The following IKBKB variants were observed in gnomAD, a reference collection of about 807,000 sequenced individuals.
IKBKB encodes the protein inhibitor of nuclear factor kappa B kinase subunit beta, also known as inhibitor of nuclear factor kappa-B kinase subunit beta.
A neutral mutation model predicts 113.6 loss-of-function variants in IKBKB; 42 were observed. That is an observed-to-expected ratio of 0.37 (90% CI 0.29 to 0.48). IKBKB has a LOEUF of 0.48. IKBKB is among the 20% of genes least tolerant of loss of function. IKBKB has a pLI of 0.99. For synonymous variants in IKBKB, 296 were observed against 361.3 expected, an observed-to-expected ratio of 0.82 and a Z score of 2.05; for missense variants, 673 against 939.7, an observed-to-expected ratio of 0.72 and a Z score of 3.71.
chr8:42,309,286 T>C (rs1158586189), intron 8 of IKBKB, among the ~76,000 whole-genome samples: 1 of 152,236 alleles, frequency 6.6e-6, no homozygotes, highest in Non-Finnish European at 1.5e-5. Context: ...GTCAGTGTCA[T>C]CTGCTCTGTG....
chr8:42,302,416 G>C lies in IKBKB; in HGVS notation c.389-2771G>C, dbSNP rs777299469. ...GGAAGGAAATGAAAAGTAAGGAACA[G>C]TATGATATGTTGGAACCACATGGTC... On this transcript the variant is annotated intron_variant, in intron 5 of 21. Coordinates refer to ENST00000520810, the MANE Select transcript of IKBKB (RefSeq NM_001556.3). 2.0e-5 allele frequency among the ~76,000 whole-genome samples: 3 copies of C among 152,176 alleles called. No individual in the cohort carries two copies. In the East Asian group the frequency reaches 5.8e-4, roughly 29 times the overall value.
intron 5 of IKBKB, among the ~76,000 whole-genome samples, chr8:42,295,110 G>A (rs1185011057): frequency 4.8e-5 from 7 of 146,368 alleles, no homozygotes; most frequent in African/African-American, 1.3e-4. Flanking sequence ...TAGTTATTAC[G>A]AAAGTCTTTT....
chr8:42,315,999 G>A (rs1048694834), intron 9 of IKBKB, among the ~76,000 whole-genome samples: 4 of 152,196 alleles, frequency 2.6e-5, no homozygotes, highest in Non-Finnish European at 4.4e-5. Flanking sequence ...TTGGAGGTCA[G>A]CAATCTCTGA....
rs965675264 is a variant in IKBKB at position 42,316,192 on chromosome 8, C to T, written c.801-18C>T. On this transcript the variant is annotated intron_variant, in intron 9 of 21. Coordinates refer to ENST00000520810, the MANE Select transcript of IKBKB (RefSeq NM_001556.3). This position sits in a 1 kb window ranked among gnomAD's most constrained non-coding sequence, Gnocchi z 4.5. ...TTGGCTGGAAGTGTCTCCTCACACA[C>T]TATGCTCCTCTCCACAGTGTCCTGG... The T allele has an allele frequency of 1.9e-6, 3 of 1,613,164 alleles. No individual in the cohort carries two copies. Among genetic ancestry groups the T allele is most frequent in the African/African-American group, 2.7e-5 (2 of 74,912 alleles).
intron 20 of IKBKB, 98 bp downstream of exon 20, chr8:42,326,195 A>G: frequency 7.1e-7 from 1 of 1,399,464 alleles, no homozygotes; most frequent in Non-Finnish European, 9.8e-7. Flanking sequence ...GTCTGATGGT[A>G]TTACCACCTC....
At position 42,319,343 on chromosome 8, in the gene IKBKB, A is replaced by G. The variant is rs1585779190; in HGVS notation, c.1438A>G (p.Lys480Glu). 1 of 1,614,034 alleles carries G rather than the reference A, an allele frequency of 6.2e-7. No individual in the cohort carries two copies. The highest frequency in any genetic ancestry group is 1.1e-5 in the South Asian group (1 of 91,090). ...CATGGCTTCCATGTCTCAGCAGCTC[A>G]AGGCCAAGTTGGATTTCTTCAAAAC... The part of the protein sequence containing the change: ...NSMASMSQQL[K>E]AKLDFFKTSI... Residue 480 changes from lysine to glutamate, a missense_variant, in exon 14 of 22, where the codon AAG becomes GAG. Coordinates refer to ENST00000520810, the MANE Select transcript of IKBKB (RefSeq NM_001556.3).
intron 5 of IKBKB, among the ~76,000 whole-genome samples, chr8:42,296,413 C>T (rs941702156): frequency 1.3e-5 from 2 of 152,178 alleles, no homozygotes; most frequent in Non-Finnish European, 2.9e-5. Context: ...GGGCAGATCA[C>T]GAGGTCCGGA....
chr8:42,272,871 C>T (rs13248769), intron 2 of IKBKB, among the ~76,000 whole-genome samples: 1 of 136,184 alleles, frequency 7.3e-6, no homozygotes, highest in African/African-American at 2.9e-5. Flanking sequence ...ACCCATGAGG[C>T]GGAGGTTGCA....
chr8:42,276,210 A>G (rs1340461850), intron 2 of IKBKB, among the ~76,000 whole-genome samples: 3 of 152,148 alleles, frequency 2.0e-5, no homozygotes, highest in Non-Finnish European at 4.4e-5. Flanking sequence ...ATTCCCACCA[A>G]TAGTGTATAG....
intron 5 of IKBKB, among the ~76,000 whole-genome samples, chr8:42,304,283 A>G (rs926492840): frequency 6.6e-6 from 1 of 152,124 alleles, no homozygotes; most frequent in Non-Finnish European, 1.5e-5. Flanking sequence ...TTTCAGTACT[A>G]TTTATTTCAT....
In IKBKB at chr8:42,328,031, C is replaced by T. The variant is rs367781908; in HGVS notation, c.2115-1093C>T. Reference sequence around the variant, plus strand: ...TTCACCTTGTTAGCCAGGATGGTCTCGATCTCCTGACCTCATGATCCACCC... The same window carrying T: ...TTCACCTTGTTAGCCAGGATGGTCTTGATCTCCTGACCTCATGATCCACCC... On this transcript the variant is annotated intron_variant, in intron 20 of 21. Transcript: ENST00000520810. Among the ~76,000 whole-genome samples the T allele has an allele frequency of 3.4e-4, 13 of 37,754 alleles. 1 individual carries two copies. The highest frequency in any genetic ancestry group is 5.2e-4 in the African/African-American group (13 of 25,144). 24.8% of individuals were successfully genotyped at this position (37,754 alleles called of 152,430 possible). A position where few individuals can be genotyped will look rare whatever the true frequency, so the allele number is the denominator to read the frequency against.
In IKBKB at chr8:42,321,177, A is replaced by G. The variant is rs1218070443; in HGVS notation, c.1688+333A>G. ...TTGTTCCACCCACCCTGACTCAGGC[A>G]TAGCTCAGAGCAGAAAGTAAAACAG... On this transcript the variant is annotated intron_variant, in intron 16 of 21. Transcript: ENST00000520810. 3.3e-5 allele frequency: 7 copies of G among 214,880 alleles called. No homozygotes were observed. The South Asian group carries it at 7.2e-4, about 22-fold the overall frequency. 13.3% of individuals were successfully genotyped at this position (214,880 alleles called of 1,614,324 possible). A position where few individuals can be genotyped will look rare whatever the true frequency, so the allele number is the denominator to read the frequency against.
chr8:42,325,004 G>C (rs934870894), intron 19 of IKBKB: 19 of 153,058 alleles, frequency 1.2e-4, no homozygotes, highest in African/African-American at 4.6e-4. Flanking sequence ...AGGGGAGGAT[G>C]TGGAGCCAGG....
chr8:42,290,019 C>A (rs1335935038), intron 3 of IKBKB, 137 bp from the exon 4 acceptor site: 7 of 629,716 alleles, frequency 1.1e-5, no homozygotes, highest in Non-Finnish European at 1.9e-5. Flanking sequence ...CGGTTGGCCA[C>A]CCGTCCTGGG....
Position 42,290,163 on chromosome 8 carries a change from C to T in IKBKB, c.208C>T (p.His70Tyr), listed in dbSNP as rs1277286371. 1 of 1,613,314 alleles carries T rather than the reference C, an allele frequency of 6.2e-7. No individual in the cohort carries two copies. The highest frequency in any genetic ancestry group is 8.5e-7 in the Non-Finnish European group (1 of 1,179,600). Residue 70 changes from histidine (H) to tyrosine (Y), a missense_variant, in exon 4 of 22, where the codon CAC becomes TAC. By Grantham distance (83) the His-to-Tyr change is moderately conservative (BLOSUM62 2). Coordinates refer to ENST00000520810, the MANE Select transcript of IKBKB (RefSeq NM_001556.3). ...LEIQIMRRLT[H>Y]PNVVAARDVP... The stretch of plus-strand genomic sequence containing the variant: ...CGGTTTTCCTCCTCCTAGGCTGACC[C>T]ACCCCAATGTGGTGGCTGCCCGAGA...
intron 5 of IKBKB, among the ~76,000 whole-genome samples, chr8:42,297,621 G>A (rs1396360662): frequency 6.6e-6 from 1 of 152,212 alleles, no homozygotes; most frequent in South Asian, 2.1e-4. Context: ...ATGGCCAGGC[G>A]CGGTGGCTCA....
In IKBKB at chr8:42,331,518, C is replaced by T. The variant is rs200234471; in HGVS notation, c.*539C>T. The stretch of plus-strand genomic sequence containing the variant: ...GTGTTTCTTCTGGATTCAGCTTCTC[C>T]TAAACAGACAGTTTAATTATAGTTG... On this transcript the variant is annotated 3_prime_UTR_variant, in exon 22 of 22. Coordinates refer to ENST00000520810, the MANE Select transcript of IKBKB (RefSeq NM_001556.3). The T allele has an allele frequency of 6.3e-5, 41 of 647,576 alleles. No individual in the cohort carries two copies. Among genetic ancestry groups the T allele is most frequent in the Non-Finnish European group, 1.1e-4 (38 of 358,456 alleles). 40.1% of individuals were successfully genotyped at this position (647,576 alleles called of 1,614,324 possible).
intron 2 of IKBKB, 64 bp downstream of exon 2, chr8:42,272,269 T>C: frequency 6.2e-7 from 1 of 1,609,764 alleles, no homozygotes; most frequent in Non-Finnish European, 8.5e-7. Flanking sequence ...TGCCTCCACT[T>C]TCTCTGATCC....
intron 2 of IKBKB, among the ~76,000 whole-genome samples, chr8:42,277,215 C>T (rs1258373787): frequency 6.9e-6 from 1 of 145,016 alleles, no homozygotes; most frequent in Non-Finnish European, 1.5e-5. Context: ...CGGAGTCACG[C>T]TCTGTTGCCC....
Sources: allele counts gnomAD v4.1 joint callset (sites outside exome capture counted in the v4.1 genomes callset), GRCh38; gene constraint gnomAD v4.1.1; non-coding constraint Gnocchi (gnomAD v3.1); transcripts MANE v1.5; gene names NCBI Gene and HGNC (gene_info 2026-07-23, HGNC 2026-07-21).